Variants in CLHC1 observed in about 807,000 individuals in gnomAD.
CLHC1 encodes clathrin heavy chain linker domain-containing protein 1.
In CLHC1, 72 loss-of-function variants were observed where a neutral mutation model predicts 69.5. The ratio of observed to expected loss-of-function variants is 1.04; its 90% CI spans 0.86 to 1.26. The LOEUF is 1.26. Ranked by LOEUF, CLHC1 falls within the 50% of genes most tolerant of loss-of-function variation. The pLI, the probability that CLHC1 is intolerant of heterozygous loss-of-function variation, is 0.00. For missense variants in CLHC1, 790 were observed against 679.3 expected (o/e 1.16, Z -1.81); for synonymous variants, 223 against 224.3 (o/e 0.99, Z 0.05).
intron 11 of CLHC1, 83 bp from the exon 12 acceptor site, chr2:55,177,864 C>T: frequency 1.0e-6 from 1 of 968,424 alleles, no homozygotes; most frequent in Non-Finnish European, 1.5e-6. Context: ...ATGTCTATAC[C>T]TGCCAATCAA....
At chr2:55,202,466 G>C (rs974503341) in intron 9 of CLHC1, among the ~76,000 whole-genome samples, 3 of 151,174 alleles carry the variant, frequency 2.0e-5, no homozygotes, top group African/African-American at 7.3e-5. Flanking sequence ...TGAGGCAGGA[G>C]AATTGCTTGA....
In CLHC1 at chr2:55,209,454, C is replaced by A. The variant is rs1208201903; in HGVS notation, c.764G>T (p.Ser255Ile). 3.1e-6 allele frequency: 5 copies of A among 1,612,402 alleles called. No homozygotes were observed. Among genetic ancestry groups the A allele is most frequent in the East Asian group, 2.2e-5 (1 of 44,858 alleles). The change falls in exon 7 of 13, where the codon AGC becomes ATC. Residue 255 changes from serine (S) to isoleucine (I), a missense_variant. Physicochemically the swap from Ser to Ile is moderately radical, Grantham distance 142 (BLOSUM62 -2). Transcript: ENST00000401408. ...TTGCTCCACAAAGTCTTGAAATGGGCTGCTCATATCAGATTTTACCCATGA... is the reference window on the plus strand; with the variant it reads ...TTGCTCCACAAAGTCTTGAAATGGGATGCTCATATCAGATTTTACCCATGA... The part of the protein sequence containing the change: ...LSSWVKSDMS[S>I]PFQDFVEQIQ...
chr2:55,195,443 A>G (rs986322528), intron 9 of CLHC1, among the ~76,000 whole-genome samples: 4 of 152,222 alleles, frequency 2.6e-5, no homozygotes, highest in African/African-American at 9.6e-5. Flanking sequence ...ATATCCAGGA[A>G]GGCAGAGCAA....
At chr2:55,180,141 A>G (rs1356724206) in intron 11 of CLHC1, among the ~76,000 whole-genome samples, 2 of 148,738 alleles carry the variant, frequency 1.3e-5, no homozygotes, top group Non-Finnish European at 3.0e-5. Context: ...CAACAGAGTG[A>G]GACTCCATCT....
Position 55,177,745 on chromosome 2 carries a change from A to T in CLHC1, c.1421T>A (p.Val474Asp). 1 of 1,611,236 alleles carries T rather than the reference A, an allele frequency of 6.2e-7. No homozygotes were observed. Among genetic ancestry groups the T allele is most frequent in the Non-Finnish European group, 8.5e-7 (1 of 1,178,864 alleles). ...TTTAGTGAGACACTGAATTAATTCA[A>T]CTTGGGGACATGACATTAATAGCTG... Reference protein sequence around the residue: ...LLQLLMSCPQVELIQCLTKEL... With the variant: ...LLQLLMSCPQDELIQCLTKEL... The change falls in exon 12 of 13, where the codon GTT becomes GAT. Residue 474 changes from valine (V) to aspartate (D), a missense_variant. Physicochemically the swap from Val to Asp is radical, Grantham distance 152. Transcript: ENST00000401408.
intron 9 of CLHC1, among the ~76,000 whole-genome samples, chr2:55,194,557 C>T (rs1300695485): frequency 2.1e-5 from 3 of 145,700 alleles, no homozygotes; most frequent in African/African-American, 7.6e-5. Flanking sequence ...TACAATAAAG[C>T]AAGAAAAAAA....
At chr2:55,212,191 C>T (rs142105251) in intron 5 of CLHC1, among the ~76,000 whole-genome samples, 29 of 152,254 alleles carry the variant, frequency 1.9e-4, no homozygotes, top group African/African-American at 6.5e-4. Flanking sequence ...GCACGAGAAT[C>T]GCTTAAACCC....
At chr2:55,227,337 GAAGCTTA>G (rs1674801034) in intron 2 of CLHC1, among the ~76,000 whole-genome samples, 1 of 151,948 alleles carries the variant, frequency 6.6e-6, no homozygotes, top group South Asian at 2.1e-4. Context: ...CTGGCTCCTT[GAAGCTTA>G]TGATCTAGTA....
At chr2:55,195,705 G>A (rs757078253) in intron 9 of CLHC1, among the ~76,000 whole-genome samples, 2 of 152,184 alleles carry the variant, frequency 1.3e-5, no homozygotes, top group Non-Finnish European at 2.9e-5. Context: ...GGGAGGCTGA[G>A]GCAGGAGAAT....
At chr2:55,221,120 T>TTTTTAAATTAAAAATTTAAATTTAAAA in intron 3 of CLHC1, among the ~76,000 whole-genome samples, 1 of 152,206 alleles carries the variant, frequency 6.6e-6, no homozygotes, top group Non-Finnish European at 1.5e-5. Context: ...TAGTGTGTAA[T>TTTTTAAATTAAAAATTTAAATTTAAAA]GTTTAAAAAT....
intron 9 of CLHC1, among the ~76,000 whole-genome samples, chr2:55,196,036 T>C (rs1411057899): frequency 6.6e-6 from 1 of 151,590 alleles, no homozygotes; most frequent in Admixed American, 6.6e-5. Flanking sequence ...GGAGGAAGAG[T>C]GCAGTGATTG....
At chr2:55,183,249 G>T (rs2103703154) in intron 9 of CLHC1, among the ~76,000 whole-genome samples, 1 of 152,226 alleles carries the variant, frequency 6.6e-6, no homozygotes, top group Middle Eastern at 3.4e-3. Context: ...ATTTAGTTTA[G>T]ACTAGACTTT....
chr2:55,221,766 C>T (rs568282680), intron 3 of CLHC1, among the ~76,000 whole-genome samples: 1 of 152,076 alleles, frequency 6.6e-6, no homozygotes, highest in African/African-American at 2.4e-5. Context: ...TTGCTTGAGG[C>T]CAGGAGTGCA....
At chr2:55,205,075 C>T (rs1424563733) in intron 9 of CLHC1, among the ~76,000 whole-genome samples, 2 of 152,020 alleles carry the variant, frequency 1.3e-5, no homozygotes, top group East Asian at 3.9e-4. Context: ...TACCATCTTA[C>T]ACCAATCAGA....
At chr2:55,182,502 A>G (rs544351698) in intron 9 of CLHC1, among the ~76,000 whole-genome samples, 1 of 152,270 alleles carries the variant, frequency 6.6e-6, no homozygotes, top group Non-Finnish European at 1.5e-5. Context: ...AATCCATCAG[A>G]TTATTTTCCT....
intron 12 of CLHC1, among the ~76,000 whole-genome samples, chr2:55,176,972 C>A (rs1184310145): frequency 1.3e-5 from 2 of 152,210 alleles, no homozygotes; most frequent in Non-Finnish European, 2.9e-5. Flanking sequence ...TCCCTGGGCT[C>A]AGGCGATCCT....
intron 3 of CLHC1, 113 bp from the exon 4 acceptor site, chr2:55,218,111 T>A (rs1307365430): frequency 1.8e-6 from 1 of 540,792 alleles, no homozygotes; most frequent in Non-Finnish European, 3.0e-6. Flanking sequence ...TGATTAGCAA[T>A]TAGAAATCTA....
chr2:55,195,361 A>G (rs1267036885), intron 9 of CLHC1, among the ~76,000 whole-genome samples: 1 of 152,172 alleles, frequency 6.6e-6, no homozygotes, highest in Non-Finnish European at 1.5e-5. Flanking sequence ...ATCTGATGAA[A>G]GAAATTAAAG....
At chr2:55,228,541 G>A (rs1306758778) in intron 1 of CLHC1, among the ~76,000 whole-genome samples, 1 of 152,198 alleles carries the variant, frequency 6.6e-6, no homozygotes, top group Non-Finnish European at 1.5e-5. Flanking sequence ...TCCCAGTCAA[G>A]TGTTCCAGGT....
Sources: allele counts gnomAD v4.1 joint callset (sites outside exome capture counted in the v4.1 genomes callset), GRCh38; gene constraint gnomAD v4.1.1; transcripts MANE v1.5; gene names NCBI Gene and HGNC (gene_info 2026-07-23, HGNC 2026-07-21).